Variants in KALRN observed in about 807,000 individuals in gnomAD.
The protein encoded by KALRN is kalirin RhoGEF kinase.
A neutral mutation model predicts 353.7 loss-of-function variants in KALRN; 70 were observed. The observed-to-expected ratio is 0.20, with a 90% CI of 0.16 to 0.24. The LOEUF (loss-of-function observed/expected upper bound fraction) is 0.24, where lower values mean the gene tolerates loss of function less well. Ranked by LOEUF, KALRN falls within the 10% of genes least tolerant of loss-of-function variation. The pLI is 1.00. For synonymous variants in KALRN, 1,391 were observed against 1,434.8 expected, an observed-to-expected ratio of 0.97 and a Z score of 0.69; for missense variants, 2,791 against 3,756.7, an observed-to-expected ratio of 0.74 and a Z score of 6.72.
intron 3 of KALRN, among the ~76,000 whole-genome samples, chr3:124,242,115 T>C (rs149478847): frequency 7.9e-5 from 12 of 152,288 alleles, no homozygotes; most frequent in Non-Finnish European, 1.6e-4. Flanking sequence ...AGAATGACAA[T>C]TAAAATTGCC....
At chr3:124,092,380 A>C (rs975971263) in intron 1 of KALRN, among the ~76,000 whole-genome samples, 1 of 152,140 alleles carries the variant, frequency 6.6e-6, no homozygotes, top group African/African-American at 2.4e-5. Flanking sequence ...CCCGTTTCAG[A>C]TTTCTCCCAA....
chr3:124,146,514 T>C (rs888395917), intron 1 of KALRN, among the ~76,000 whole-genome samples: 2 of 151,968 alleles, frequency 1.3e-5, no homozygotes, highest in Non-Finnish European at 2.9e-5. Flanking sequence ...GACTGGAAAT[T>C]TGAGACATCC....
chr3:124,429,293 T>C (rs2093166929), intron 15 of KALRN, among the ~76,000 whole-genome samples: 1 of 152,220 alleles, frequency 6.6e-6, no homozygotes, highest in East Asian at 1.9e-4. Flanking sequence ...CAATAAGGCA[T>C]GAGTCATTTT....
rs2289839 is a variant in KALRN at position 124,462,607 on chromosome 3, C to T, written c.4005C>T (p.Ile1335=). ...LNKEHIIFGN[I]QEIYDFHNNI... is the part of the protein sequence containing the mutation. The stretch of plus-strand genomic sequence containing the variant: ...AAGAGCATATCATCTTTGGCAACAT[C>T]CAAGAGATCTACGATTTCCATAACA... Residue 1335 remains isoleucine (I), a synonymous_variant, in exon 25 of 60, where the codon ATC becomes ATT. Coordinates refer to ENST00000682506, the MANE Select transcript of KALRN (RefSeq NM_001388419.1). The T allele has an allele frequency of 0.052, 83,176 of 1,607,012 alleles. 2,561 individuals carry two copies. The highest frequency in any genetic ancestry group is 0.13 in the East Asian group (5,613 of 44,784).
intron 1 of KALRN, among the ~76,000 whole-genome samples, chr3:124,212,984 C>A (rs1393335765): frequency 6.6e-6 from 1 of 151,968 alleles, no homozygotes; most frequent in Non-Finnish European, 1.5e-5. Context: ...GTATTTGATA[C>A]ACGTTTCCTA....
In KALRN at chr3:124,223,846, A is replaced by C. The variant is rs143207457; in HGVS notation, c.74-4144A>C. Among the ~76,000 whole-genome samples, 5 of 152,362 alleles carry C rather than the reference A, an allele frequency of 3.3e-5. No homozygotes were observed. The East Asian group carries it at 9.6e-4, about 29-fold the overall frequency. On this transcript the variant is annotated intron_variant, in intron 1 of 59. Transcript: ENST00000682506. ...CTGACTGGCATTTTCCAACATGGGAAATGATGACTAGAAGCAATGTAAGCA... is the reference window on the plus strand; with the variant it reads ...CTGACTGGCATTTTCCAACATGGGACATGATGACTAGAAGCAATGTAAGCA...
chr3:124,573,488 T>C (rs1223937603), intron 34 of KALRN, among the ~76,000 whole-genome samples: 2 of 152,136 alleles, frequency 1.3e-5, no homozygotes, highest in Admixed American at 1.3e-4. Context: ...CTCTTTCTAG[T>C]TTCCATTGGT....
intron 22 of KALRN, among the ~76,000 whole-genome samples, chr3:124,455,704 A>C (rs1041883601): frequency 6.6e-6 from 1 of 152,188 alleles, no homozygotes; most frequent in Non-Finnish European, 1.5e-5. Flanking sequence ...CTTCCACCCA[A>C]TTATGTTAAT....
rs2075556038 is a variant in KALRN, at chr3:124,589,485, C to T, written c.5182+26396C>T. On this transcript the variant is annotated intron_variant, in intron 34 of 59. Transcript: ENST00000682506. ...ACATGCACCTGTAGTCCCAGCTACT[C>T]GGGAGGTTGAGGTGGGAGGATCGGT... is the stretch of plus-strand genomic sequence containing the variant. Among the ~76,000 whole-genome samples, 4 of 152,072 alleles carry T rather than the reference C, an allele frequency of 2.6e-5. No homozygotes were observed. The South Asian group carries it at 6.2e-4, about 24-fold the overall frequency.
At chr3:124,063,073 G>A (rs1163833428) in intron 1 of KALRN, among the ~76,000 whole-genome samples, 1 of 152,158 alleles carries the variant, frequency 6.6e-6, no homozygotes, top group Non-Finnish European at 1.5e-5. Context: ...GAGGGTAGGA[G>A]GAAAAGAGGA....
intron 13 of KALRN, among the ~76,000 whole-genome samples, chr3:124,411,433 C>CTTTTTTTTTTT (rs61485429): frequency 0.1 from 5,374 of 51,446 alleles, 1,324 homozygotes; most frequent in South Asian, 0.15. Flanking sequence ...TTAAATTATG[C>CTTTTTTTTTTT]TTTTTTTTTT....
chr3:124,396,353 C>A lies in KALRN; in HGVS notation c.2171+1010C>A, dbSNP rs565129182. ...TTTTTCTGTTGGAAATTAATAATTT[C>A]TATTCCAAATATGCACATGAGATGC... is the stretch of plus-strand genomic sequence containing the variant. On this transcript the variant is annotated intron_variant, in intron 12 of 59. Coordinates refer to ENST00000682506, the MANE Select transcript of KALRN (RefSeq NM_001388419.1). Among the ~76,000 whole-genome samples, 36 of 152,312 alleles carry A rather than the reference C, an allele frequency of 2.4e-4. No individual in the cohort carries two copies. The South Asian group carries it at 7.5e-3, about 32-fold the overall frequency.
At chr3:124,332,826 A>G (rs991712409) in intron 8 of KALRN, among the ~76,000 whole-genome samples, 1 of 152,206 alleles carries the variant, frequency 6.6e-6, no homozygotes, top group Admixed American at 6.5e-5. Flanking sequence ...GAGCGAGAGC[A>G]AAGTATTTTA....
chr3:124,415,907 T>C (rs1225173420), intron 14 of KALRN, among the ~76,000 whole-genome samples: 1 of 152,218 alleles, frequency 6.6e-6, no homozygotes, highest in Admixed American at 6.5e-5. Flanking sequence ...GTAAATGGTG[T>C]GTACATTAAA....
chr3:124,171,497 C>T (rs1377861098), intron 1 of KALRN, among the ~76,000 whole-genome samples: 2 of 152,176 alleles, frequency 1.3e-5, no homozygotes, highest in Non-Finnish European at 2.9e-5. Context: ...GCGGAAGCTG[C>T]AACACCTCTT....
chr3:124,252,455 A>G (rs1350632954), intron 3 of KALRN, among the ~76,000 whole-genome samples: 1 of 152,230 alleles, frequency 6.6e-6, no homozygotes, highest in Non-Finnish European at 1.5e-5. Flanking sequence ...GCAAGATAGC[A>G]TGGCAGTTTT....
chr3:124,607,834 G>A (rs2077510144), intron 34 of KALRN, among the ~76,000 whole-genome samples: 2 of 151,962 alleles, frequency 1.3e-5, no homozygotes, highest in South Asian at 2.1e-4. Flanking sequence ...CAAACTCCTG[G>A]CCTCAAGTGA....
intron 18 of KALRN, 76 bp from the exon 19 acceptor site, chr3:124,441,869 G>A: frequency 1.2e-6 from 1 of 802,130 alleles, no homozygotes; most frequent in Non-Finnish European, 1.9e-6. Flanking sequence ...TGGAAGGAAG[G>A]AGGGTATGCC....
At chr3:124,569,353 T>C (rs1311163924) in intron 34 of KALRN, among the ~76,000 whole-genome samples, 4 of 152,158 alleles carry the variant, frequency 2.6e-5, no homozygotes, top group African/African-American at 2.4e-5. Context: ...TGGATAAAAC[T>C]TGGGCTCTGA....
Sources: allele counts gnomAD v4.1 joint callset (sites outside exome capture counted in the v4.1 genomes callset), GRCh38; gene constraint gnomAD v4.1.1; transcripts MANE v1.5; gene names NCBI Gene and HGNC (gene_info 2026-07-23, HGNC 2026-07-21).